TOPBP1: variants seen among roughly 807,000 people sequenced by gnomAD.
The protein encoded by TOPBP1 is DNA topoisomerase 2-binding protein 1.
Under a neutral mutation model 167.7 loss-of-function variants are expected in TOPBP1, and 28 were observed. That is an observed-to-expected ratio of 0.17 (90% CI 0.12 to 0.23). TOPBP1 has a LOEUF of 0.23. TOPBP1 is among the 10% of genes least tolerant of loss of function. The pLI is 1.00. For synonymous variants in TOPBP1, 598 were observed against 611.4 expected (o/e 0.98, Z 0.32); for missense variants, 1,554 against 1,809.6 (o/e 0.86, Z 2.56).
chr3:133,612,524 A>G lies in TOPBP1; in HGVS notation c.3900T>C (p.Phe1300=), dbSNP rs1415226968. The change falls in exon 24 of 28, where the codon TTT becomes TTC. Residue 1300 remains phenylalanine, a synonymous_variant. Transcript: ENST00000260810. ...CAACAATGTGTGTACAGGTGGGATC[A>G]AAGCACTGCTTTTCTATCACCAATC... ...LGGLVIEKQC[F]DPTCTHIVVG... is the part of the protein sequence containing the mutation. 6.2e-7 allele frequency: 1 copy of G among 1,613,600 alleles called. No individual in the cohort carries two copies. Among genetic ancestry groups the G allele is most frequent in the Non-Finnish European group, 8.5e-7 (1 of 1,179,750 alleles).
Position 133,644,452 on chromosome 3 carries a change from G to C in TOPBP1, c.1505-89C>G, listed in dbSNP as rs199991275. ...AGGATATTAACGTAACATGGAATCT[G>C]ATAATTTTGACCATACTTACAAAAC... On this transcript the variant is annotated intron_variant, in intron 10 of 27. Coordinates refer to ENST00000260810, the MANE Select transcript of TOPBP1 (RefSeq NM_007027.4). The C allele has an allele frequency of 2.0e-5, 24 of 1,222,262 alleles. No individual in the cohort carries two copies. The East Asian group carries it at 3.9e-4, about 20-fold the overall frequency. 75.7% of individuals were successfully genotyped at this position (1,222,262 alleles called of 1,614,324 possible).
intron 10 of TOPBP1, among the ~76,000 whole-genome samples, chr3:133,646,931 A>T (rs1325663264): frequency 6.6e-6 from 1 of 152,204 alleles, no homozygotes; most frequent in Non-Finnish European, 1.5e-5. Flanking sequence ...CCAGAACATT[A>T]AGTAGTTACT....
At chr3:133,661,541 A>T (rs570240914) in intron 1 of TOPBP1, among the ~76,000 whole-genome samples, 6 of 152,354 alleles carry the variant, frequency 3.9e-5, no homozygotes, top group Admixed American at 6.5e-5. Flanking sequence ...GAAGCCAGTT[A>T]GCATGGTCTT....
At chr3:133,622,012 G>A (rs1383850752) in intron 19 of TOPBP1, among the ~76,000 whole-genome samples, 1 of 151,054 alleles carries the variant, frequency 6.6e-6, no homozygotes, top group Non-Finnish European at 1.5e-5. Context: ...GGAAAGGAAG[G>A]GAAGAGGGAA....
At chr3:133,648,992 T>A (rs1165077084) in intron 10 of TOPBP1, among the ~76,000 whole-genome samples, 1 of 152,178 alleles carries the variant, frequency 6.6e-6, no homozygotes, top group East Asian at 1.9e-4. Flanking sequence ...CACTGGCAAT[T>A]TACCTTACTA....
Position 133,637,904 on chromosome 3 carries a change from T to C in TOPBP1, c.2492A>G (p.Lys831Arg), listed in dbSNP as rs1222977522. ...DTPSKFLSKD[K>R]LFKPSFDVKD... is the part of the protein sequence containing the mutation. Reference sequence around the variant, plus strand: ...CACATCAAAGGAAGGCTTGAAGAGTTTGTCCTTGGACAGGAATTTTGATGG... The same window carrying C: ...CACATCAAAGGAAGGCTTGAAGAGTCTGTCCTTGGACAGGAATTTTGATGG... Residue 831 changes from lysine to arginine, a missense_variant, in exon 14 of 28, where the codon AAA becomes AGA. Physicochemically the swap from Lys to Arg is conservative, Grantham distance 26 (BLOSUM62 2). Coordinates refer to ENST00000260810, the MANE Select transcript of TOPBP1 (RefSeq NM_007027.4). 1 of 1,613,826 alleles carries C rather than the reference T, an allele frequency of 6.2e-7. No homozygotes were observed. The highest frequency in any genetic ancestry group is 2.2e-5 in the East Asian group (1 of 44,898).
In TOPBP1 at chr3:133,653,388, C is replaced by T; in HGVS notation, c.879G>A (p.Met293Ile). Residue 293 changes from methionine to isoleucine, a missense_variant, in exon 7 of 28, where the codon ATG (methionine) becomes ATA (isoleucine). By Grantham distance (10) the Met-to-Ile change is conservative. Around this residue, in one of 3 missense-constraint regions of TOPBP1, gnomAD observed 1,197 missense variants for 1,351.5 expected, o/e 0.89. Coordinates refer to ENST00000260810, the MANE Select transcript of TOPBP1 (RefSeq NM_007027.4). ...GGCTGGTAGGAGTTGAAGAATTGGGCATAGTCTTTGCTTCTGGTCTAGGTT... is the reference window on the plus strand; with the variant it reads ...GGCTGGTAGGAGTTGAAGAATTGGGTATAGTCTTTGCTTCTGGTCTAGGTT... ...KTEPRPEAKT[M>I]PNSSTPTSQI... The T allele has an allele frequency of 1.2e-6, 2 of 1,611,180 alleles. No homozygotes were observed. Among genetic ancestry groups the T allele is most frequent in the Middle Eastern group, 1.7e-4 (1 of 6,052 alleles).
At chr3:133,616,354 C>G (rs1191263283) in intron 23 of TOPBP1, among the ~76,000 whole-genome samples, 1 of 151,910 alleles carries the variant, frequency 6.6e-6, no homozygotes, top group Non-Finnish European at 1.5e-5. Context: ...ACTCCTGACC[C>G]CAGGTGATCC....
At chr3:133,641,099 G>A (rs535769889) in intron 12 of TOPBP1, among the ~76,000 whole-genome samples, 85 of 151,470 alleles carry the variant, frequency 5.6e-4, no homozygotes, top group African/African-American at 2.0e-3. Flanking sequence ...TCTATGTTTT[G>A]TGTTTATCTT....
At chr3:133,628,503 T>A in intron 15 of TOPBP1, 32 bp from the exon 16 acceptor site, 1 of 1,604,974 alleles carries the variant, frequency 6.2e-7, no homozygotes, top group Middle Eastern at 1.7e-4. Context: ...AACAGATCAG[T>A]CATTATTGTT....
chr3:133,612,305 G>A lies in TOPBP1; in HGVS notation c.4035+84C>T, dbSNP rs1934709309. 3.3e-6 allele frequency: 5 copies of A among 1,527,648 alleles called. No homozygotes were observed. In the Admixed American group the frequency reaches 5.3e-5, roughly 16 times the overall value. The allele number at this position is 1,527,648 out of a possible 1,614,324, so 94.6% of individuals were successfully genotyped here. On this transcript the variant is annotated intron_variant, in intron 24 of 27. Transcript: ENST00000260810. Reference sequence around the variant, plus strand: ...TCCACCCACCTCGGCCTCCCAAAGTGCTAGGATAACAGGTGTGAGCCACTG... The same window carrying A: ...TCCACCCACCTCGGCCTCCCAAAGTACTAGGATAACAGGTGTGAGCCACTG...
At chr3:133,635,782 T>C (rs1935651509) in intron 14 of TOPBP1, among the ~76,000 whole-genome samples, 1 of 152,164 alleles carries the variant, frequency 6.6e-6, no homozygotes. Context: ...TCCAGGTATA[T>C]ACCACATAGT....
At chr3:133,610,190 C>T (rs975855364) in intron 25 of TOPBP1, among the ~76,000 whole-genome samples, 28 of 113,256 alleles carry the variant, frequency 2.5e-4, no homozygotes, top group African/African-American at 6.6e-4. Flanking sequence ...GGGGTTGCAG[C>T]TCTCTGTTTG....
chr3:133,636,012 G>C (rs1266384452), intron 14 of TOPBP1, among the ~76,000 whole-genome samples: 1 of 151,608 alleles, frequency 6.6e-6, no homozygotes, highest in Non-Finnish European at 1.5e-5. Context: ...AAAAAAAACA[G>C]ACTCAAAAGA....
In TOPBP1 at chr3:133,661,768, C is replaced by A. The variant is rs1187774381; in HGVS notation, c.-8+1G>T. 1 of 152,700 alleles carries A rather than the reference C, an allele frequency of 6.5e-6. No homozygotes were observed. Among genetic ancestry groups the A allele is most frequent in the African/African-American group, 2.4e-5 (1 of 41,466 alleles). The allele number at this position is 152,700 out of a possible 1,614,324, so 9.5% of individuals were successfully genotyped here. A position where few individuals can be genotyped will look rare whatever the true frequency, so the allele number is the denominator to read the frequency against. The stretch of plus-strand genomic sequence containing the variant: ...GTGTCCCCACTCCGCGCCTCACTTA[C>A]CTCGTTGGAGCCTCGGGGTCTCCGG... On this transcript the variant is annotated splice_donor_variant, in intron 1 of 27. Coordinates refer to ENST00000260810, the MANE Select transcript of TOPBP1 (RefSeq NM_007027.4). LOFTEE classifies it low-confidence loss of function (5UTR_SPLICE).
rs1182699697 is a variant in TOPBP1, at chr3:133,628,418, G to C, written c.2748C>G (p.Leu916=). The change falls in exon 16 of 28, where the codon CTC becomes CTG. Residue 916 remains leucine (L), a synonymous_variant. Coordinates refer to ENST00000260810, the MANE Select transcript of TOPBP1 (RefSeq NM_007027.4). ...HKVVVCVSKK[L]SKKQSELNGI... The stretch of plus-strand genomic sequence containing the variant: ...CATTTAGTTCACTCTGCTTCTTACT[G>C]AGTTTTTTACTAACACATACCACTA... The C allele has an allele frequency of 6.2e-7, 1 of 1,610,904 alleles. No individual in the cohort carries two copies. The highest frequency in any genetic ancestry group is 1.7e-5 in the Admixed American group (1 of 59,648).
At chr3:133,619,783 A>G (rs908036075) in intron 20 of TOPBP1, among the ~76,000 whole-genome samples, 11 of 152,246 alleles carry the variant, frequency 7.2e-5, no homozygotes, top group African/African-American at 2.4e-4. Context: ...AAAAGTATCA[A>G]TCATGCCTCA....
chr3:133,612,898 C>T (rs1016483914), intron 23 of TOPBP1, among the ~76,000 whole-genome samples: 8 of 152,074 alleles, frequency 5.3e-5, no homozygotes, highest in African/African-American at 1.9e-4. Flanking sequence ...GACAGGTTCT[C>T]ACTCTGTCAC....
At chr3:133,620,040 A>G (rs1935029268) in intron 20 of TOPBP1, 115 bp downstream of exon 20, 1 of 1,173,718 alleles carries the variant, frequency 8.5e-7, no homozygotes, top group East Asian at 2.6e-5. Flanking sequence ...ATATTGGGGA[A>G]AAAAAGAAAA....
Sources: gnomAD v4.1 joint callset for allele counts (sites outside exome capture counted in the v4.1 genomes callset) on GRCh38, gnomAD v4.1.1 for gene constraint, gnomAD v4.1.1 regional missense constraint, MANE v1.5 for transcripts, NCBI Gene and HGNC (gene_info 2026-07-23, HGNC 2026-07-21) for gene names.